The following IL31RA variants were observed in gnomAD, a reference collection of about 807,000 sequenced individuals.
IL31RA encodes interleukin 31 receptor A.
A neutral mutation model predicts 83.7 loss-of-function variants in IL31RA; 66 were observed. That is an observed-to-expected ratio of 0.79 (90% confidence interval 0.65 to 0.97). The LOEUF (loss-of-function observed/expected upper bound fraction) is 0.97. IL31RA is among the 50% of genes least tolerant of loss of function. The pLI, the probability that IL31RA is intolerant of heterozygous loss-of-function variation, is 0.00. For synonymous variants in IL31RA, 325 were observed against 329.0 expected (o/e 0.99, Z 0.13); for missense variants, 798 against 919.4 (o/e 0.87, Z 1.71).
At chr5:55,842,318 C>G in the IL31RA span, among the ~76,000 whole-genome samples, 75 of 152,284 alleles carry the variant, frequency 4.9e-4, no homozygotes, top group Non-Finnish European at 9.0e-4. Flanking sequence ...GACTCAATTC[C>G]AAGTAAGGTC....
At chr5:55,862,314 G>T (rs148402131) in intron 2 of IL31RA, among the ~76,000 whole-genome samples, 1 of 152,186 alleles carries the variant, frequency 6.6e-6, no homozygotes, top group Non-Finnish European at 1.5e-5. Flanking sequence ...CCAAAACTAA[G>T]AAATTGATTT....
At chr5:55,849,023 G>A (rs1011963194), upstream of IL31RA, among the ~76,000 whole-genome samples, 1 of 152,180 alleles carries the variant, frequency 6.6e-6, no homozygotes, top group African/African-American at 2.4e-5. Context: ...CCTTCATGGG[G>A]AGAGCACTTG....
In IL31RA at chr5:55,917,425, G is replaced by A; in HGVS notation, c.*305G>A. On this transcript the variant is annotated 3_prime_UTR_variant, in exon 15 of 15. Coordinates refer to ENST00000652347, the MANE Select transcript of IL31RA (RefSeq NM_139017.7). Reference sequence around the variant, plus strand: ...TTTGAAGGAAGGGCCCAGGTTCTGAGCCCAAAGGACCCCCAGGGTGGACAT... The same window carrying A: ...TTTGAAGGAAGGGCCCAGGTTCTGAACCCAAAGGACCCCCAGGGTGGACAT... 2.2e-6 allele frequency: 2 copies of A among 929,608 alleles called. No homozygotes were observed. Among genetic ancestry groups the A allele is most frequent in the Non-Finnish European group, 2.9e-6 (2 of 699,746 alleles). The allele number at this position is 929,608 out of a possible 1,614,324, so 57.6% of individuals were successfully genotyped here. A position where few individuals can be genotyped will look rare whatever the true frequency, so the allele number is the denominator to read the frequency against.
intron 4 of IL31RA, among the ~76,000 whole-genome samples, chr5:55,873,506 A>T (rs2408176): frequency 0.48 from 73,456 of 151,924 alleles, 17,989 homozygotes; most frequent in South Asian, 0.6. Context: ...GCACCATTTA[A>T]CATTCCCACT....
chr5:55,859,563 T>A lies in IL31RA; in HGVS notation c.118T>A (p.Trp40Arg). ...NLGMMWTWAL[W>R]MLPSLCKFSL... ...GGGGATGATGTGGACCTGGGCACTG[T>A]GGATGCTCCCCTCACTCTGCAAATT... Residue 40 changes from tryptophan to arginine, a missense_variant, in exon 2 of 15, where the codon TGG (tryptophan) becomes AGG (arginine). Trp to Arg is a moderately radical substitution (Grantham distance 101, BLOSUM62 -3). Coordinates refer to ENST00000652347, the MANE Select transcript of IL31RA (RefSeq NM_139017.7). 1 of 1,612,952 alleles carries A rather than the reference T, an allele frequency of 6.2e-7. No individual in the cohort carries two copies.
intron 5 of IL31RA, 85 bp from the exon 6 acceptor site, chr5:55,889,885 G>A (rs1478577505): frequency 5.8e-6 from 7 of 1,216,450 alleles, no homozygotes; most frequent in Non-Finnish European, 8.5e-6. Flanking sequence ...TTCTAAAAAT[G>A]TAAAAGTACA....
chr5:55,920,446 CAAG>C lies in IL31RA; in HGVS notation c.*3329_*3331del, dbSNP rs1750037380. ...AAACAAAAAGAATAACATTTTGTGA[CAAG>C]AAAAGTCCAAGAAATTCACGTAGTG... On this transcript the variant is annotated 3_prime_UTR_variant, in exon 15 of 15. Transcript: ENST00000652347. Among the ~76,000 whole-genome samples the C allele has an allele frequency of 6.6e-6, 1 of 152,194 alleles. No individual in the cohort carries two copies. Among genetic ancestry groups the C allele is most frequent in the Non-Finnish European group, 1.5e-5 (1 of 68,036 alleles).
intron 5 of IL31RA, among the ~76,000 whole-genome samples, chr5:55,883,555 A>G (rs557018705): frequency 2.2e-4 from 33 of 152,294 alleles, no homozygotes; most frequent in Non-Finnish European, 4.3e-4. Context: ...TATAACATAC[A>G]TTTGGAAAGG....
At chr5:55,849,914 G>A (rs577673425), upstream of IL31RA, among the ~76,000 whole-genome samples, 11 of 152,296 alleles carry the variant, frequency 7.2e-5, no homozygotes, top group African/African-American at 1.9e-4. Context: ...GGGAGATAAA[G>A]TTCTTGAAAC....
chr5:55,916,848 C>G lies in IL31RA; in HGVS notation c.2023C>G (p.Pro675Ala), dbSNP rs749246572. ...GGEKNGYVTC[P>A]FRPDCPLGKS... ...GGAAAAGAATGGGTATGTGACCTGC[C>G]CCTTCAGGCCTGATTGTCCCCTGGG... Residue 675 changes from proline (P) to alanine (A), a missense_variant, in exon 15 of 15, where the codon CCC becomes GCC. Coordinates refer to ENST00000652347, the MANE Select transcript of IL31RA (RefSeq NM_139017.7). 1 of 1,614,020 alleles carries G rather than the reference C, an allele frequency of 6.2e-7. No individual in the cohort carries two copies. The highest frequency in any genetic ancestry group is 8.5e-7 in the Non-Finnish European group (1 of 1,180,040).
rs772855433 is a variant in IL31RA, at chr5:55,914,934, C to T, written c.1818+6C>T. On this transcript the variant is annotated splice_donor_region_variant and intron_variant, in intron 14 of 14. Transcript: ENST00000652347. Reference sequence around the variant, plus strand: ...GGCATGGAGATGATTTCAAGGTAAACTCTCCTGTTTTTATTAAGGAAATCA... The same window carrying T: ...GGCATGGAGATGATTTCAAGGTAAATTCTCCTGTTTTTATTAAGGAAATCA... The T allele has an allele frequency of 1.0e-5, 16 of 1,600,032 alleles. No homozygotes were observed. The highest frequency in any genetic ancestry group is 1.7e-4 in the Middle Eastern group (1 of 6,040).
intron 2 of IL31RA, among the ~76,000 whole-genome samples, chr5:55,862,133 G>A (rs1745725996): frequency 6.6e-6 from 1 of 152,188 alleles, no homozygotes; most frequent in African/African-American, 2.4e-5. Flanking sequence ...GGGAAAGAAA[G>A]ATGGGAGTGA....
At position 55,917,125 on chromosome 5, in the gene IL31RA, G is replaced by T. The variant is rs781611907; in HGVS notation, c.*5G>T. 1.2e-6 allele frequency: 2 copies of T among 1,614,056 alleles called. No homozygotes were observed. The highest frequency in any genetic ancestry group is 1.1e-5 in the South Asian group (1 of 91,016). On this transcript the variant is annotated 3_prime_UTR_variant, in exon 15 of 15. Coordinates refer to ENST00000652347, the MANE Select transcript of IL31RA (RefSeq NM_139017.7). ...CACACCAAGGGAGAAGTCTAAATGCGACCATAGCATGAGACCCTCGGGGCC... is the reference window on the plus strand; with the variant it reads ...CACACCAAGGGAGAAGTCTAAATGCTACCATAGCATGAGACCCTCGGGGCC...
chr5:55,844,142 A>C, the IL31RA span, among the ~76,000 whole-genome samples: 3 of 152,168 alleles, frequency 2.0e-5, no homozygotes, highest in African/African-American at 7.2e-5. Flanking sequence ...AATTACATCC[A>C]ATGTCTCCTC....
chr5:55,915,221 A>T (rs537566319), intron 14 of IL31RA, among the ~76,000 whole-genome samples: 5 of 152,312 alleles, frequency 3.3e-5, no homozygotes, highest in Admixed American at 2.0e-4. Flanking sequence ...CACTGGCCCT[A>T]CCCTTCCTGA....
Position 55,917,128 on chromosome 5 carries a change from C to G in IL31RA, c.*8C>G. 1 of 1,614,086 alleles carries G rather than the reference C, an allele frequency of 6.2e-7. No individual in the cohort carries two copies. Among genetic ancestry groups the G allele is most frequent in the East Asian group, 2.2e-5 (1 of 44,868 alleles). ...ACCAAGGGAGAAGTCTAAATGCGAC[C>G]ATAGCATGAGACCCTCGGGGCCTCA... On this transcript the variant is annotated 3_prime_UTR_variant, in exon 15 of 15. Coordinates refer to ENST00000652347, the MANE Select transcript of IL31RA (RefSeq NM_139017.7).
At chr5:55,877,361 A>G (rs2112409723) in intron 4 of IL31RA, among the ~76,000 whole-genome samples, 1 of 152,334 alleles carries the variant, frequency 6.6e-6, no homozygotes, top group East Asian at 1.9e-4. Flanking sequence ...TTCTTTGGAA[A>G]ATAAAAAGAG....
At chr5:55,863,023 C>T (rs1319563428) in intron 2 of IL31RA, among the ~76,000 whole-genome samples, 1 of 152,194 alleles carries the variant, frequency 6.6e-6, no homozygotes, top group Non-Finnish European at 1.5e-5. Flanking sequence ...TGTGTAGGCT[C>T]TGCCAGCCAA....
At chr5:55,849,749 A>C (rs567872471), upstream of IL31RA, among the ~76,000 whole-genome samples, 163 of 152,308 alleles carry the variant, frequency 1.1e-3, no homozygotes, top group South Asian at 5.2e-3. Flanking sequence ...TTGTACTCTT[A>C]TCATCTTGGG....
Sources: allele counts gnomAD v4.1 joint callset (sites outside exome capture counted in the v4.1 genomes callset), GRCh38; gene constraint gnomAD v4.1.1; transcripts MANE v1.5; gene names NCBI Gene and HGNC (gene_info 2026-07-23, HGNC 2026-07-21).